The following CFAP299 variants were observed in gnomAD, a reference collection of about 807,000 sequenced individuals.
The protein encoded by CFAP299 is cilia- and flagella-associated protein 299.
Under a neutral mutation model 27.0 loss-of-function variants are expected in CFAP299, and 21 were observed. That is an observed-to-expected ratio of 0.78 (90% CI 0.55 to 1.12). The LOEUF is 1.12. Among genes scored for constraint, CFAP299 ranks in the 50% most tolerant of loss-of-function variants. The pLI is 0.00. For missense variants in CFAP299, 310 were observed against 276.6 expected (o/e 1.12, Z -0.86); for synonymous variants, 104 against 98.1 (o/e 1.06, Z -0.36).
intron 3 of CFAP299, among the ~76,000 whole-genome samples, chr4:80,768,273 T>C (rs751034474): frequency 6.6e-5 from 10 of 152,174 alleles, no homozygotes; most frequent in Non-Finnish European, 1.3e-4. Context: ...AGAATTAGGA[T>C]GGTGACAACT....
chr4:80,880,277 T>C (rs1036509710), intron 4 of CFAP299, among the ~76,000 whole-genome samples: 1 of 151,908 alleles, frequency 6.6e-6, no homozygotes, highest in African/African-American at 2.4e-5. Flanking sequence ...ATGAAATGAG[T>C]TCATTTAAAT....
At chr4:80,752,604 C>T (rs934476696) in intron 3 of CFAP299, among the ~76,000 whole-genome samples, 3 of 151,152 alleles carry the variant, frequency 2.0e-5, no homozygotes, top group African/African-American at 7.3e-5. Context: ...TTGAAAATCT[C>T]AGTCTTATAG....
intron 2 of CFAP299, among the ~76,000 whole-genome samples, chr4:80,401,100 G>C (rs1054931583): frequency 1.3e-5 from 2 of 152,182 alleles, no homozygotes; most frequent in Non-Finnish European, 2.9e-5. Context: ...GAGGTTACTT[G>C]GGTACTATTA....
At chr4:80,387,919 G>C (rs1725106809) in intron 2 of CFAP299, 1 of 860,048 alleles carries the variant, frequency 1.2e-6, no homozygotes, top group Non-Finnish European at 2.0e-6. Flanking sequence ...ACTGGTCATG[G>C]GGCAGCAGGG....
Position 80,869,990 on chromosome 4 carries a change from C to T in CFAP299, c.334-3C>T. ...TGTCTTATTCTCTATTCTGTGCTACCAGTCCGTGATCTTTATTCGTGACAG... is the reference window on the plus strand; with the variant it reads ...TGTCTTATTCTCTATTCTGTGCTACTAGTCCGTGATCTTTATTCGTGACAG... On this transcript the variant is annotated splice_polypyrimidine_tract_variant and splice_region_variant and intron_variant, in intron 3 of 5. Coordinates refer to ENST00000358105, the MANE Select transcript of CFAP299 (RefSeq NM_152770.3). 1 of 1,606,112 alleles carries T rather than the reference C, an allele frequency of 6.2e-7. No homozygotes were observed. The highest frequency in any genetic ancestry group is 8.5e-7 in the Non-Finnish European group (1 of 1,176,640).
intron 2 of CFAP299, among the ~76,000 whole-genome samples, chr4:80,420,679 G>A (rs1727248246): frequency 6.6e-6 from 1 of 152,114 alleles, no homozygotes; most frequent in South Asian, 2.1e-4. Flanking sequence ...CTTATCAGAT[G>A]TATGGCTTGT....
At chr4:80,859,079 T>C (rs1186004490) in intron 3 of CFAP299, among the ~76,000 whole-genome samples, 4 of 152,202 alleles carry the variant, frequency 2.6e-5, no homozygotes, top group African/African-American at 9.7e-5. Context: ...AGTTGCTTTG[T>C]GAATCTGGGT....
chr4:80,758,242 AG>A (rs1408475659), intron 3 of CFAP299, among the ~76,000 whole-genome samples: 1 of 152,192 alleles, frequency 6.6e-6, no homozygotes, highest in East Asian at 1.9e-4. Flanking sequence ...TTCAGGGGGC[AG>A]GGGAGCTGAA....
the CFAP299 span, among the ~76,000 whole-genome samples, chr4:80,322,761 A>G: frequency 9.2e-5 from 14 of 152,210 alleles, no homozygotes; most frequent in African/African-American, 3.4e-4. Context: ...AACACTAATG[A>G]TCTTTGGCTG....
intron 2 of CFAP299, among the ~76,000 whole-genome samples, chr4:80,573,745 C>G (rs1578618703): frequency 1.3e-5 from 2 of 152,102 alleles, no homozygotes; most frequent in East Asian, 3.9e-4. Flanking sequence ...TTCTTTGCAC[C>G]TTTATAAAAA....
At chr4:80,628,046 A>G (rs1422339567) in intron 3 of CFAP299, among the ~76,000 whole-genome samples, 1 of 152,160 alleles carries the variant, frequency 6.6e-6, no homozygotes, top group Non-Finnish European at 1.5e-5. Flanking sequence ...GAACAAGAAG[A>G]AGAAAGCTAA....
chr4:80,706,305 G>A (rs890660411), intron 3 of CFAP299, among the ~76,000 whole-genome samples: 5 of 151,480 alleles, frequency 3.3e-5, no homozygotes, highest in African/African-American at 1.2e-4. Flanking sequence ...AAATGAGGAT[G>A]TTCCAGAACC....
intron 2 of CFAP299, among the ~76,000 whole-genome samples, chr4:80,462,261 T>C (rs1023421951): frequency 4.6e-5 from 7 of 152,172 alleles, no homozygotes; most frequent in Admixed American, 3.3e-4. Context: ...AAAAAATAAA[T>C]GAAGTAAATA....
At chr4:80,787,461 G>A (rs1012646889) in intron 3 of CFAP299, among the ~76,000 whole-genome samples, 1 of 151,740 alleles carries the variant, frequency 6.6e-6, no homozygotes, top group African/African-American at 2.4e-5. Context: ...GAGCTTCAGA[G>A]TTTCTAAGAA....
At chr4:80,905,636 C>T (rs574473954) in intron 4 of CFAP299, among the ~76,000 whole-genome samples, 2 of 152,190 alleles carry the variant, frequency 1.3e-5, no homozygotes, top group African/African-American at 4.8e-5. Context: ...GTTGGGGAGG[C>T]CTCAGGAAAC....
chr4:80,518,499 TAAAG>T (rs1010058300), intron 2 of CFAP299, among the ~76,000 whole-genome samples: 4 of 151,986 alleles, frequency 2.6e-5, no homozygotes, highest in African/African-American at 9.7e-5. Context: ...GGCAAGAACA[TAAAG>T]AAAATATACA....
intron 3 of CFAP299, among the ~76,000 whole-genome samples, chr4:80,836,190 C>T (rs1168662635): frequency 6.6e-6 from 1 of 152,082 alleles, no homozygotes; most frequent in Non-Finnish European, 1.5e-5. Flanking sequence ...TAAATAATTC[C>T]TGGCTGTAAC....
chr4:80,860,974 TACTGC>T (rs1732302292), intron 3 of CFAP299, among the ~76,000 whole-genome samples: 1 of 152,232 alleles, frequency 6.6e-6, no homozygotes, highest in African/African-American at 2.4e-5. Flanking sequence ...CTGCAGAGGT[TACTGC>T]TATCTTTTTG....
intron 2 of CFAP299, among the ~76,000 whole-genome samples, chr4:80,433,167 G>GA (rs140164164): frequency 0.055 from 8,355 of 150,584 alleles, 776 homozygotes; most frequent in African/African-American, 0.19. Context: ...AACCACAGAG[G>GA]AAAAAAAAAG....
Sources: gnomAD v4.1 joint callset for allele counts (sites outside exome capture counted in the v4.1 genomes callset) on GRCh38, gnomAD v4.1.1 for gene constraint, MANE v1.5 for transcripts, NCBI Gene and HGNC (gene_info 2026-07-23, HGNC 2026-07-21) for gene names.